The following ELFN2 variants were observed in gnomAD, a reference collection of about 807,000 sequenced individuals.
The protein encoded by ELFN2 is extracellular leucine rich repeat and fibronectin type III domain containing 2.
In ELFN2, 17 loss-of-function variants were observed where a neutral mutation model predicts 45.5. The observed-to-expected ratio is 0.37, with a 90% CI of 0.26 to 0.56. The LOEUF (loss-of-function observed/expected upper bound fraction) is 0.56, where lower values mean the gene tolerates loss of function less well. Ranked by LOEUF, ELFN2 falls within the 20% of genes least tolerant of loss-of-function variation. The pLI is 0.77. For synonymous variants in ELFN2, 550 were observed against 551.5 expected, an observed-to-expected ratio of 1.00 and a Z score of 0.04; for missense variants, 922 against 1,183.2, an observed-to-expected ratio of 0.78 and a Z score of 3.24.
rs1210423656 is a variant in ELFN2 at position 37,372,922 on chromosome 22, G to A, written c.*150C>T. On this transcript the variant is annotated 3_prime_UTR_variant, in exon 3 of 3. Coordinates refer to ENST00000402918, the MANE Select transcript of ELFN2 (RefSeq NM_052906.5). The surrounding 1 kb of genome is among the most constrained non-coding windows in gnomAD (Gnocchi z 4.4). Reference sequence around the variant, plus strand: ...GTTCACAGTCGGGTGGTGGTCAGGTGTGTGTGTGCGTGCGTGCGTGCGGGT... The same window carrying A: ...GTTCACAGTCGGGTGGTGGTCAGGTATGTGTGTGCGTGCGTGCGTGCGGGT... 3 of 760,890 alleles carry A rather than the reference G, an allele frequency of 3.9e-6. No homozygotes were observed. Among genetic ancestry groups the A allele is most frequent in the Non-Finnish European group, 6.2e-6 (3 of 485,110 alleles). 47.1% of individuals were successfully genotyped at this position (760,890 alleles called of 1,614,324 possible).
intron 1 of ELFN2, among the ~76,000 whole-genome samples, chr22:37,360,501 G>A (rs528482402): frequency 3.9e-5 from 6 of 152,306 alleles, no homozygotes; most frequent in Non-Finnish European, 5.9e-5. Context: ...TGGGTGACTC[G>A]TCCCTCAGTG....
chr22:37,375,653 C>T lies in ELFN2; in HGVS notation c.-119G>A, dbSNP rs1276463775. ...ACCATCTTGGGGGCGACCCCCAGCA[C>T]GGGGGCCCCAGGCAAGGTGGGTACA... On this transcript the variant is annotated 5_prime_UTR_variant, in exon 3 of 3. In the 5' UTR this introduces an upstream ATG that the reference lacks. Coordinates refer to ENST00000402918, the MANE Select transcript of ELFN2 (RefSeq NM_052906.5). 18 of 1,296,514 alleles carry T rather than the reference C, an allele frequency of 1.4e-5. No homozygotes were observed. The highest frequency in any genetic ancestry group is 1.9e-5 in the Non-Finnish European group (18 of 961,804). 80.3% of individuals were successfully genotyped at this position (1,296,514 alleles called of 1,614,324 possible).
chr22:37,421,029 C>G (rs1932805735), intron 1 of ELFN2, among the ~76,000 whole-genome samples: 1 of 152,200 alleles, frequency 6.6e-6, no homozygotes, highest in African/African-American at 2.4e-5. Context: ...CTCGTCCACT[C>G]TCCCAATCAA....
chr22:37,383,736 T>A (rs1299545053), intron 2 of ELFN2, among the ~76,000 whole-genome samples: 1 of 152,216 alleles, frequency 6.6e-6, no homozygotes. Context: ...GACAGACAGA[T>A]TTGCCTCCCC....
At chr22:37,381,594 C>A in intron 2 of ELFN2, among the ~76,000 whole-genome samples, 1 of 152,088 alleles carries the variant, frequency 6.6e-6, no homozygotes, top group Non-Finnish European at 1.5e-5. Context: ...TCACCCAACC[C>A]AGGCTTCGGT....
intron 2 of ELFN2, among the ~76,000 whole-genome samples, chr22:37,400,695 C>T (rs77667515): frequency 0.013 from 2,015 of 152,312 alleles, 51 homozygotes; most frequent in African/African-American, 0.047. Context: ...TCACTCCCCG[C>T]CAGGGTCCCA....
intron 1 of ELFN2, among the ~76,000 whole-genome samples, chr22:37,358,337 A>C (rs1396703661): frequency 1.3e-5 from 2 of 152,180 alleles, no homozygotes; most frequent in Non-Finnish European, 2.9e-5. Context: ...ACCTTTACTC[A>C]AGTGAGTTCA....
chr22:37,358,368 A>G (rs1180029947), intron 1 of ELFN2, among the ~76,000 whole-genome samples: 1 of 152,228 alleles, frequency 6.6e-6, no homozygotes, highest in African/African-American at 2.4e-5. Context: ...ATCAGTTCAC[A>G]TGAGAAGGCA....
Position 37,373,868 on chromosome 22 carries a change from T to C in ELFN2, c.1667A>G (p.Lys556Arg). ...QIINNCIDAL[K>R]LDSASFLGGG... The stretch of plus-strand genomic sequence containing the variant: ...TCCCAGAAAAGAGGCCGAGTCCAGC[T>C]TGAGAGCATCGATGCAGTTGTTAAT... Residue 556 changes from lysine to arginine, a missense_variant, in exon 3 of 3, where the codon AAG becomes AGG. By Grantham distance (26) the Lys-to-Arg change is conservative (BLOSUM62 2). This residue lies in a region of ELFN2 where 564 missense variants were observed against 642.8 expected (regional missense o/e 0.88). Transcript: ENST00000402918. The C allele has an allele frequency of 1.9e-6, 3 of 1,613,376 alleles. No homozygotes were observed. Among genetic ancestry groups the C allele is most frequent in the Non-Finnish European group, 2.5e-6 (3 of 1,179,938 alleles).
intron 2 of ELFN2, among the ~76,000 whole-genome samples, chr22:37,401,967 C>T (rs1193511346): frequency 6.6e-6 from 1 of 152,200 alleles, no homozygotes; most frequent in African/African-American, 2.4e-5. Context: ...CCCAGGGAGG[C>T]TGAAGGAAGA....
chr22:37,375,322 G>T lies in ELFN2; in HGVS notation c.213C>A (p.Leu71=). 2 of 1,614,172 alleles carry T rather than the reference G, an allele frequency of 1.2e-6. No individual in the cohort carries two copies. Among genetic ancestry groups the T allele is most frequent in the Non-Finnish European group, 8.5e-7 (1 of 1,180,042 alleles). Reference sequence around the variant, plus strand: ...TCCCAAAGCGGTTGAGCGAGGAGTAGAGCACGGCTTTGAGCTTGTTCTCGT... The same window carrying T: ...TCCCAAAGCGGTTGAGCGAGGAGTATAGCACGGCTTTGAGCTTGTTCTCGT... The part of the protein sequence containing the change: ...RLNENKLKAV[L]YSSLNRFGNL... The change falls in exon 3 of 3, where the codon CTC becomes CTA. Residue 71 remains leucine (L), a synonymous_variant. Transcript: ENST00000402918.
chr22:37,384,430 C>T (rs1242061922), intron 2 of ELFN2, among the ~76,000 whole-genome samples: 1 of 151,832 alleles, frequency 6.6e-6, no homozygotes, highest in Non-Finnish European at 1.5e-5. Context: ...CCCTTCTCTC[C>T]CCAACCTGGC....
intron 2 of ELFN2, among the ~76,000 whole-genome samples, chr22:37,392,640 C>T (rs1231289044): frequency 6.6e-6 from 1 of 152,152 alleles, no homozygotes; most frequent in Non-Finnish European, 1.5e-5. Flanking sequence ...TATTTTTATG[C>T]CCGTTCTGCA....
chr22:37,415,746 A>G (rs1932753706), intron 2 of ELFN2, among the ~76,000 whole-genome samples: 1 of 152,162 alleles, frequency 6.6e-6, no homozygotes, highest in South Asian at 2.1e-4. Flanking sequence ...GTGGATCACA[A>G]GGTCAGGAGA....
chr22:37,402,016 C>G (rs562347797), intron 2 of ELFN2, among the ~76,000 whole-genome samples: 1 of 152,168 alleles, frequency 6.6e-6, no homozygotes, highest in Non-Finnish European at 1.5e-5. Context: ...AGAGTGAGCC[C>G]TGCTCCCTCC....
chr22:37,388,501 T>C (rs1234229480), intron 2 of ELFN2, among the ~76,000 whole-genome samples: 1 of 152,206 alleles, frequency 6.6e-6, no homozygotes, highest in Non-Finnish European at 1.5e-5. Context: ...AGGCTCCAAG[T>C]AATTCATGAC....
chr22:37,421,281 C>T (rs964429267), intron 1 of ELFN2, among the ~76,000 whole-genome samples: 3 of 152,230 alleles, frequency 2.0e-5, no homozygotes, highest in African/African-American at 7.2e-5. Context: ...TAGGCAGGAC[C>T]TCTTTCACAA....
At chr22:37,411,580 C>G (rs1601768661) in intron 2 of ELFN2, among the ~76,000 whole-genome samples, 2 of 152,156 alleles carry the variant, frequency 1.3e-5, no homozygotes, top group African/African-American at 2.4e-5. Context: ...ACACAGCAAG[C>G]GGAGGCAGGA....
chr22:37,351,588 C>T (rs948207399), intron 1 of ELFN2, among the ~76,000 whole-genome samples: 1 of 149,348 alleles, frequency 6.7e-6, no homozygotes, highest in African/African-American at 2.5e-5. Context: ...GTCCCCCCCA[C>T]CCTCTCGACT....
Sources: allele counts gnomAD v4.1 joint callset (sites outside exome capture counted in the v4.1 genomes callset), GRCh38; gene constraint gnomAD v4.1.1; regional missense constraint gnomAD v4.1.1; non-coding constraint Gnocchi (gnomAD v3.1); transcripts MANE v1.5; gene names NCBI Gene and HGNC (gene_info 2026-07-23, HGNC 2026-07-21).